Variants in DNASE2B observed in about 807,000 individuals in gnomAD.
The protein encoded by DNASE2B is deoxyribonuclease-2-beta.
In DNASE2B, 43 loss-of-function variants were observed where a neutral mutation model predicts 46.0. The ratio of observed to expected loss-of-function variants is 0.94; its 90% CI spans 0.73 to 1.21. The LOEUF (loss-of-function observed/expected upper bound fraction) is 1.21. DNASE2B is among the 50% of genes most tolerant of loss of function. The pLI is 0.00. For synonymous variants in DNASE2B, 156 were observed against 152.5 expected (o/e 1.02, Z -0.17); for missense variants, 395 against 414.4 (o/e 0.95, Z 0.41).
chr1:84,412,665 G>T, intron 5 of DNASE2B, 119 bp downstream of exon 5: 3 of 1,076,900 alleles, frequency 2.8e-6, no homozygotes, highest in Non-Finnish European at 1.3e-6. Context: ...GGGAGCAAAA[G>T]AAAAGGAAAA....
In DNASE2B at chr1:84,412,386, C is replaced by T; in HGVS notation, c.585C>T (p.Ser195=). 6.2e-7 allele frequency: 1 copy of T among 1,610,614 alleles called. No individual in the cohort carries two copies. Among genetic ancestry groups the T allele is most frequent in the Non-Finnish European group, 8.5e-7 (1 of 1,177,974 alleles). ...TGGTCTGCAACCCCAACGTCTATAG[C>T]TGCTCCATCCCAGCCACCTTTCACC... ...QLLVCNPNVY[S]CSIPATFHQE... is the part of the protein sequence containing the mutation. The change falls in exon 5 of 6, where the codon AGC becomes AGT. Residue 195 remains serine, a synonymous_variant. Coordinates refer to ENST00000370665, the MANE Select transcript of DNASE2B (RefSeq NM_021233.3).
At chr1:84,411,357 G>GGAATACAA (rs1236269262) in intron 4 of DNASE2B, among the ~76,000 whole-genome samples, 1 of 151,868 alleles carries the variant, frequency 6.6e-6, no homozygotes, top group Non-Finnish European at 1.5e-5. Flanking sequence ...ATCATACTGT[G>GGAATACAA]GCTCTACAGG....
rs1003580118 is a variant in DNASE2B at position 84,414,901 on chromosome 1, A to G, written c.*33A>G. 1 of 1,499,820 alleles carries G rather than the reference A, an allele frequency of 6.7e-7. No homozygotes were observed. Among genetic ancestry groups the G allele is most frequent in the African/African-American group, 1.4e-5 (1 of 71,900 alleles). The allele number at this position is 1,499,820 out of a possible 1,614,324, so 92.9% of individuals were successfully genotyped here. A position where few individuals can be genotyped will look rare whatever the true frequency, so the allele number is the denominator to read the frequency against. On this transcript the variant is annotated 3_prime_UTR_variant, in exon 6 of 6. Coordinates refer to ENST00000370665, the MANE Select transcript of DNASE2B (RefSeq NM_021233.3). The stretch of plus-strand genomic sequence containing the variant: ...GAAAGGACACAGGTACTATCATTGA[A>G]AACCTTGACAATGGGTCTTCTTCCA...
intron 2 of DNASE2B, among the ~76,000 whole-genome samples, chr1:84,404,103 G>A (rs1017410599): frequency 2.6e-5 from 4 of 151,994 alleles, no homozygotes; most frequent in African/African-American, 9.7e-5. Context: ...ACTGCACCCA[G>A]CCTAAAAGCA....
Position 84,398,489 on chromosome 1 carries a change from C to A in DNASE2B, c.-76C>A. 6.3e-7 allele frequency: 1 copy of A among 1,579,026 alleles called. No homozygotes were observed. The highest frequency in any genetic ancestry group is 8.6e-7 in the Non-Finnish European group (1 of 1,159,316). ...GGTAAATCAAATCAAACGTCAGAGC[C>A]AGCACAGCCTGAGAGCGCCTTGAAA... is the stretch of plus-strand genomic sequence containing the variant. On this transcript the variant is annotated 5_prime_UTR_variant, in exon 1 of 6. Coordinates refer to ENST00000370665, the MANE Select transcript of DNASE2B (RefSeq NM_021233.3).
chr1:84,405,639 G>A (rs1166247262), intron 2 of DNASE2B, among the ~76,000 whole-genome samples: 1 of 152,192 alleles, frequency 6.6e-6, no homozygotes, highest in East Asian at 1.9e-4. Flanking sequence ...AAATATGCAA[G>A]AGCTGTGAGA....
chr1:84,407,545 A>C (rs529151897), intron 2 of DNASE2B, among the ~76,000 whole-genome samples: 2 of 152,256 alleles, frequency 1.3e-5, no homozygotes, highest in South Asian at 4.1e-4. Flanking sequence ...TCTAAGAAAA[A>C]AGCAAGGGCC....
rs1462548472 is a variant in DNASE2B at position 84,414,445 on chromosome 1, T to A, written c.746-83T>A. On this transcript the variant is annotated intron_variant, in intron 5 of 5. Transcript: ENST00000370665. ...ACATCCACATATCAGGGGTGAAAGA[T>A]GATTTCCATTCCAGAGTATATTTTC... 3.3e-6 allele frequency: 4 copies of A among 1,213,816 alleles called. No homozygotes were observed. In the African/African-American group the frequency reaches 6.1e-5, roughly 18 times the overall value. The allele number at this position is 1,213,816 out of a possible 1,614,324, so 75.2% of individuals were successfully genotyped here.
Position 84,408,453 on chromosome 1 carries a change from A to T in DNASE2B, c.320A>T (p.Tyr107Phe). 6.2e-7 allele frequency: 1 copy of T among 1,611,128 alleles called. No individual in the cohort carries two copies. Reference sequence around the variant, plus strand: ...TTCCTGCAGAGTAACAACACAGCCTATCTAATATACAATGATGGAGTCCCT... The same window carrying T: ...TTCCTGCAGAGTAACAACACAGCCTTTCTAATATACAATGATGGAGTCCCT... ...AYASKSNNTA[Y>F]LIYNDGVPKP... is the part of the protein sequence containing the mutation. Residue 107 changes from tyrosine (Y) to phenylalanine (F), a missense_variant, in exon 3 of 6, where the codon TAT becomes TTT. Tyr to Phe is a conservative substitution (Grantham distance 22). Transcript: ENST00000370665.
intron 2 of DNASE2B, among the ~76,000 whole-genome samples, chr1:84,404,059 G>C (rs1321477341): frequency 6.7e-6 from 1 of 148,352 alleles, no homozygotes; most frequent in African/African-American, 2.5e-5. Flanking sequence ...CACCCATATT[G>C]GCCTCTGAAG....
At chr1:84,413,038 C>T (rs143083838) in intron 5 of DNASE2B, among the ~76,000 whole-genome samples, 1 of 150,314 alleles carries the variant, frequency 6.7e-6, no homozygotes, top group African/African-American at 2.5e-5. Flanking sequence ...TGATGCACCC[C>T]CTATGCTCTG....
chr1:84,408,136 C>A (rs1570303516), intron 2 of DNASE2B: 2 of 201,346 alleles, frequency 9.9e-6, no homozygotes, highest in South Asian at 1.5e-4. Flanking sequence ...GTTGCTTAAT[C>A]AGAAACTTGG....
Position 84,414,573 on chromosome 1 carries a change from T to C in DNASE2B, c.791T>C (p.Leu264Ser). Residue 264 changes from leucine (L) to serine (S), a missense_variant, in exon 6 of 6, where the codon TTA (leucine) becomes TCA (serine). By Grantham distance (145) the Leu-to-Ser change is moderately radical (BLOSUM62 -2). Coordinates refer to ENST00000370665, the MANE Select transcript of DNASE2B (RefSeq NM_021233.3). ...GCTCAACGGCTGAAGACACACTTGT[T>C]AACAGAAACCTGGCAGCGAAAAAGA... ...WMAQRLKTHL[L>S]TETWQRKRQE... 1.2e-6 allele frequency: 2 copies of C among 1,614,026 alleles called. No homozygotes were observed. Among genetic ancestry groups the C allele is most frequent in the East Asian group, 2.2e-5 (1 of 44,894 alleles).
At chr1:84,411,034 C>T (rs1417276072) in intron 4 of DNASE2B, 35 bp downstream of exon 4, 1 of 1,564,414 alleles carries the variant, frequency 6.4e-7, no homozygotes, top group African/African-American at 1.4e-5. Context: ...AAAACGATAA[C>T]TATGTTGAAG....
intron 5 of DNASE2B, among the ~76,000 whole-genome samples, 162 bp downstream of exon 5, chr1:84,412,708 G>A (rs753183107): frequency 3.3e-5 from 5 of 151,864 alleles, no homozygotes; most frequent in African/African-American, 1.2e-4. Flanking sequence ...AACATCAGCC[G>A]GCTATATGAG....
At chr1:84,399,534 G>A (rs1451055404) in intron 1 of DNASE2B, among the ~76,000 whole-genome samples, 1 of 152,184 alleles carries the variant, frequency 6.6e-6, no homozygotes, top group Non-Finnish European at 1.5e-5. Flanking sequence ...AGAGAGCCCA[G>A]AAAACTTCTC....
Position 84,414,840 on chromosome 1 carries a change from T to G in DNASE2B, c.1058T>G (p.Leu353Ter). ...CAAATTTACCAAGCATTTCAAGGATTAGTATTATACTATGAAAGCTGTAAG... is the reference window on the plus strand; with the variant it reads ...CAAATTTACCAAGCATTTCAAGGATGAGTATTATACTATGAAAGCTGTAAG... ...NWQIYQAFQG[L>*]VLYYESCK is the part of the protein sequence containing the mutation. Residue 353 changes from leucine to a stop codon, truncating the protein, a stop_gained, in exon 6 of 6, where the codon TTA becomes TGA. Transcript: ENST00000370665. LOFTEE classifies it high-confidence loss of function. The G allele has an allele frequency of 1.2e-6, 2 of 1,614,078 alleles. No individual in the cohort carries two copies. Among genetic ancestry groups the G allele is most frequent in the South Asian group, 2.2e-5 (2 of 91,064 alleles).
At position 84,401,920 on chromosome 1, in the gene DNASE2B, C is replaced by T; in HGVS notation, c.145C>T (p.Pro49Ser). 2 of 1,522,370 alleles carry T rather than the reference C, an allele frequency of 1.3e-6. No individual in the cohort carries two copies. The allele number at this position is 1,522,370 out of a possible 1,614,324, so 94.3% of individuals were successfully genotyped here. The change falls in exon 2 of 6, where the codon CCT becomes TCT. Residue 49 changes from proline (P) to serine (S), a missense_variant. By Grantham distance (74) the Pro-to-Ser change is moderately conservative. Coordinates refer to ENST00000370665, the MANE Select transcript of DNASE2B (RefSeq NM_021233.3). ...AVDWFTFYKL[P>S]KRQNKESGET... ...TGTTAGGTTTACTTTTTATAAGTTA[C>T]CTAAAAGACAAAACAAGGAAAGTGG...
In DNASE2B at chr1:84,410,850, G is replaced by A. The variant is rs779095095; in HGVS notation, c.398G>A (p.Trp133Ter). 5 of 1,612,930 alleles carry A rather than the reference G, an allele frequency of 3.1e-6. No homozygotes were observed. The highest frequency in any genetic ancestry group is 1.1e-5 in the South Asian group (1 of 90,868). The change falls in exon 4 of 6, where the codon TGG becomes TAG. Residue 133 changes from tryptophan to a stop codon, truncating the protein, a stop_gained. Transcript: ENST00000370665. LOFTEE classifies it high-confidence loss of function. ...GTGTCTTTGGTAGGTTTACTGCTGT[G>A]GAACAGAGTTCAAGGGTTCTGGCTG... The part of the protein sequence containing the change: ...KYGHTKGLLL[W>*]NRVQGFWLIH...
Sources: allele counts gnomAD v4.1 joint callset (sites outside exome capture counted in the v4.1 genomes callset), GRCh38; gene constraint gnomAD v4.1.1; transcripts MANE v1.5; gene names NCBI Gene and HGNC (gene_info 2026-07-23, HGNC 2026-07-21).